Variants in PPFIBP1 observed in about 807,000 individuals in gnomAD.
PPFIBP1 encodes the protein liprin-beta-1.
In PPFIBP1, 112 loss-of-function variants were observed where a neutral mutation model predicts 137.8. That is an observed-to-expected ratio of 0.81 (90% CI 0.70 to 0.95). The LOEUF (loss-of-function observed/expected upper bound fraction) is 0.95, where lower values mean the gene tolerates loss of function less well. Among genes scored for constraint, PPFIBP1 ranks in the 40% least tolerant of loss-of-function variants. The pLI is 0.00. For synonymous variants in PPFIBP1, 378 were observed against 417.3 expected, an observed-to-expected ratio of 0.91 and a Z score of 1.15; for missense variants, 1,083 against 1,196.6, an observed-to-expected ratio of 0.91 and a Z score of 1.40.
At chr12:27,654,556 C>A in intron 7 of PPFIBP1, 166 bp from the exon 8 acceptor site, 2 of 822,778 alleles carry the variant, frequency 2.4e-6, no homozygotes, top group South Asian at 4.0e-5. Flanking sequence ...TGGAAAGATG[C>A]CTTCGTTCTT....
chr12:27,540,459 CA>C (rs201926488), intron 1 of PPFIBP1, among the ~76,000 whole-genome samples: 1,104 of 104,436 alleles, frequency 0.011, 6 homozygotes, highest in South Asian at 0.049. Context: ...CCTGTCTCTA[CA>C]AAAAAAAAAA....
At chr12:27,593,437 T>C (rs2052779323) in intron 2 of PPFIBP1, 1 of 455,334 alleles carries the variant, frequency 2.2e-6, no homozygotes, top group Non-Finnish European at 4.4e-6. Context: ...TAGAGGAGTC[T>C]GTGGAGACTA....
At chr12:27,552,305 T>G (rs1040473739) in intron 1 of PPFIBP1, among the ~76,000 whole-genome samples, 18 of 152,196 alleles carry the variant, frequency 1.2e-4, no homozygotes, top group African/African-American at 3.9e-4. Flanking sequence ...TTATTGTTAA[T>G]GAAGAGAATT....
At chr12:27,565,655 C>T (rs141925491) in intron 1 of PPFIBP1, among the ~76,000 whole-genome samples, 11 of 152,280 alleles carry the variant, frequency 7.2e-5, no homozygotes, top group Non-Finnish European at 1.2e-4. Flanking sequence ...TGCTACTCCC[C>T]GTGTCCCGTC....
At position 27,669,622 on chromosome 12, in the gene PPFIBP1, T is replaced by A. The variant is rs561925375; in HGVS notation, c.1147-1809T>A. Among the ~76,000 whole-genome samples the A allele has an allele frequency of 2.6e-5, 4 of 152,252 alleles. No homozygotes were observed. The South Asian group carries it at 6.2e-4, about 24-fold the overall frequency. On this transcript the variant is annotated intron_variant, in intron 13 of 29. Coordinates refer to ENST00000228425, the MANE Select transcript of PPFIBP1 (RefSeq NM_003622.4). Reference sequence around the variant, plus strand: ...TAGTATAGTTATATTTTCCCCATGATTAGGAATCTCAAGAGACAAATGAAC... The same window carrying A: ...TAGTATAGTTATATTTTCCCCATGAATAGGAATCTCAAGAGACAAATGAAC...
At chr12:27,577,202 C>T (rs1414713163) in intron 1 of PPFIBP1, among the ~76,000 whole-genome samples, 1 of 150,240 alleles carries the variant, frequency 6.7e-6, no homozygotes, top group Non-Finnish European at 1.5e-5. Flanking sequence ...AAGCACCTGC[C>T]TTTTCTGAAG....
intron 1 of PPFIBP1, among the ~76,000 whole-genome samples, chr12:27,542,037 GT>G (rs1339875194): frequency 2.0e-5 from 3 of 151,914 alleles, no homozygotes; most frequent in African/African-American, 7.3e-5. Flanking sequence ...CTGAACCCTG[GT>G]TTTCTCATCT....
intron 2 of PPFIBP1, among the ~76,000 whole-genome samples, chr12:27,605,825 G>C (rs1382782810): frequency 6.6e-6 from 1 of 152,092 alleles, no homozygotes; most frequent in Non-Finnish European, 1.5e-5. Flanking sequence ...AAAAATTCCT[G>C]ATAGCCATTA....
intron 13 of PPFIBP1, among the ~76,000 whole-genome samples, chr12:27,670,788 A>ATAATAATAATAAT (rs57738136): frequency 0.18 from 24,349 of 133,770 alleles, 2,541 homozygotes; most frequent in East Asian, 0.23. Context: ...CAAAAAAAAA[A>ATAATAATAATAAT]AAAAAAAATA....
At chr12:27,647,965 T>TTA in intron 6 of PPFIBP1, 123 bp downstream of exon 6, 2 of 958,056 alleles carry the variant, frequency 2.1e-6, no homozygotes, top group East Asian at 7.4e-5. Context: ...ACCAGCACAT[T>TTA]AAAAAAAAAA....
intron 1 of PPFIBP1, among the ~76,000 whole-genome samples, chr12:27,530,439 C>G (rs1001519871): frequency 2.0e-5 from 3 of 152,170 alleles, no homozygotes; most frequent in African/African-American, 7.2e-5. Flanking sequence ...GTCAAACTTT[C>G]AGATCCTTCC....
chr12:27,586,690 C>G (rs1282240165), intron 2 of PPFIBP1, among the ~76,000 whole-genome samples: 2 of 144,172 alleles, frequency 1.4e-5, no homozygotes, highest in African/African-American at 5.2e-5. Context: ...AAGTGAGACT[C>G]TGTCTCAAGA....
At chr12:27,687,291 C>T (rs2061261394) in intron 24 of PPFIBP1, 94 bp from the exon 25 acceptor site, 1 of 1,465,350 alleles carries the variant, frequency 6.8e-7, no homozygotes, top group Non-Finnish European at 9.2e-7. Context: ...TTGAGGGGCT[C>T]TTCTCCTTTT....
At chr12:27,614,111 C>T (rs1300500216) in intron 2 of PPFIBP1, among the ~76,000 whole-genome samples, 1 of 152,164 alleles carries the variant, frequency 6.6e-6, no homozygotes, top group Non-Finnish European at 1.5e-5. Context: ...AGCATGGTGG[C>T]TCATGCCTGT....
chr12:27,681,673 G>C lies in PPFIBP1; in HGVS notation c.2023G>C (p.Ala675Pro). ...TGCATCTGGCCAAACGCTTTTGCAGGCTTCTCAACAAGATCTAGAGAAGGT... is the reference window on the plus strand; with the variant it reads ...TGCATCTGGCCAAACGCTTTTGCAGCCTTCTCAACAAGATCTAGAGAAGGT... Reference protein sequence around the residue: ...WIASGQTLLQASQQDLEKELG... With the variant: ...WIASGQTLLQPSQQDLEKELG... The change falls in exon 22 of 30, where the codon GCT becomes CCT. Residue 675 changes from alanine (A) to proline (P), a missense_variant. Coordinates refer to ENST00000228425, the MANE Select transcript of PPFIBP1 (RefSeq NM_003622.4). 5 of 1,614,134 alleles carry C rather than the reference G, an allele frequency of 3.1e-6. No individual in the cohort carries two copies. The highest frequency in any genetic ancestry group is 1.1e-5 in the South Asian group (1 of 91,072).
chr12:27,622,830 C>A (rs1355413004), intron 2 of PPFIBP1, among the ~76,000 whole-genome samples: 3 of 152,174 alleles, frequency 2.0e-5, no homozygotes, highest in Non-Finnish European at 4.4e-5. Context: ...AATGCTTAAC[C>A]TTTACTCCTG....
chr12:27,524,764 G>GA (rs3214735), intron 1 of PPFIBP1, among the ~76,000 whole-genome samples: 125 of 151,088 alleles, frequency 8.3e-4, no homozygotes, highest in African/African-American at 2.8e-3. Context: ...TCGTTGAAAA[G>GA]AAAAAAAAAG....
rs190085692 is a variant in PPFIBP1, at chr12:27,678,178, A to G, written c.1615+1082A>G. 1.4e-4 allele frequency among the ~76,000 whole-genome samples: 21 copies of G among 152,318 alleles called. No homozygotes were observed. In the East Asian group the frequency reaches 4.0e-3, roughly 29 times the overall value. ...TTTAGTACAACTTTTACTTTCTTTT[A>G]TAAAGTATAAAATCTCACACTGAAG... On this transcript the variant is annotated intron_variant, in intron 19 of 29. Transcript: ENST00000228425.
intron 1 of PPFIBP1, among the ~76,000 whole-genome samples, chr12:27,572,609 A>G (rs61915307): frequency 1.3e-5 from 2 of 152,244 alleles, no homozygotes; most frequent in Non-Finnish European, 2.9e-5. Flanking sequence ...AAATACTAAA[A>G]TTTTGCAACC....
Sources: allele counts gnomAD v4.1 joint callset (sites outside exome capture counted in the v4.1 genomes callset), GRCh38; gene constraint gnomAD v4.1.1; transcripts MANE v1.5; gene names NCBI Gene and HGNC (gene_info 2026-07-23, HGNC 2026-07-21).